NEK7: variants seen among roughly 807,000 people sequenced by gnomAD.
The protein encoded by NEK7 is serine/threonine-protein kinase Nek7.
NEK7 carries 18 observed loss-of-function variants against 44.6 expected under a neutral mutation model. That is an observed-to-expected ratio of 0.40 (90% CI 0.28 to 0.60). The LOEUF (loss-of-function observed/expected upper bound fraction) is 0.60, where lower values mean the gene tolerates loss of function less well. Among genes scored for constraint, NEK7 ranks in the 20% least tolerant of loss-of-function variants. NEK7 has a pLI of 0.38. For synonymous variants in NEK7, 130 were observed against 121.1 expected, an observed-to-expected ratio of 1.07 and a Z score of -0.48; for missense variants, 256 against 366.5, an observed-to-expected ratio of 0.70 and a Z score of 2.46.
intron 1 of NEK7, among the ~76,000 whole-genome samples, chr1:198,216,063 C>T (rs12131570): frequency 0.016 from 2,501 of 152,048 alleles, 32 homozygotes; most frequent in Middle Eastern, 0.037. Flanking sequence ...GAACCTGCAC[C>T]GTAAACAAAT....
chr1:198,272,599 C>G (rs114784064), intron 5 of NEK7, among the ~76,000 whole-genome samples: 48 of 151,804 alleles, frequency 3.2e-4, no homozygotes, highest in Non-Finnish European at 5.6e-4. Context: ...TATTTCTCCT[C>G]GAAGACTGAC....
At chr1:198,245,281 C>T (rs929180617) in intron 2 of NEK7, 4 of 169,374 alleles carry the variant, frequency 2.4e-5, no homozygotes, top group African/African-American at 9.6e-5. Context: ...CTGCACAGTT[C>T]AAACTTGTGT....
rs183994142 is a variant in NEK7, at chr1:198,165,151, T to A, written c.-29+7875T>A. Among the ~76,000 whole-genome samples, 19 of 152,368 alleles carry A rather than the reference T, an allele frequency of 1.2e-4. No individual in the cohort carries two copies. In the South Asian group the frequency reaches 2.9e-3, roughly 23 times the overall value. ...CTGTTTCCACCACATTTGTAGTGAC[T>A]TCCTTCACTGAAATCTTGACTCCCT... On this transcript the variant is annotated intron_variant, in intron 1 of 9. Coordinates refer to ENST00000367385, the MANE Select transcript of NEK7 (RefSeq NM_133494.3).
At chr1:198,225,621 A>T (rs1666197380) in intron 1 of NEK7, among the ~76,000 whole-genome samples, 3 of 152,048 alleles carry the variant, frequency 2.0e-5, no homozygotes, top group African/African-American at 7.3e-5. Flanking sequence ...ATGAACTGAC[A>T]CTTGTCTATT....
chr1:198,288,346 C>T (rs933272926), intron 7 of NEK7, among the ~76,000 whole-genome samples: 21 of 152,212 alleles, frequency 1.4e-4, no homozygotes, highest in African/African-American at 3.6e-4. Flanking sequence ...TTTAAATCAG[C>T]GTAGCTGCAG....
At chr1:198,306,496 C>A (rs1367448705) in intron 9 of NEK7, among the ~76,000 whole-genome samples, 1 of 152,108 alleles carries the variant, frequency 6.6e-6, no homozygotes, top group Non-Finnish European at 1.5e-5. Context: ...AAATTTTAAA[C>A]CCTAGCTCTT....
chr1:198,159,557 C>G (rs1475104855), intron 1 of NEK7, among the ~76,000 whole-genome samples: 1 of 152,218 alleles, frequency 6.6e-6, no homozygotes, highest in Non-Finnish European at 1.5e-5. Flanking sequence ...TCTTGGGAAT[C>G]TTTCCATGGT....
chr1:198,209,037 G>GTATATA (rs57962708), intron 1 of NEK7, among the ~76,000 whole-genome samples: 22 of 145,354 alleles, frequency 1.5e-4, no homozygotes, highest in Non-Finnish European at 2.6e-4. Context: ...ATGTGTGTGT[G>GTATATA]TATATATATA....
At chr1:198,270,943 T>C (rs1269488343) in intron 5 of NEK7, among the ~76,000 whole-genome samples, 1 of 152,052 alleles carries the variant, frequency 6.6e-6, no homozygotes, top group Non-Finnish European at 1.5e-5. Context: ...TCTTTCTCCA[T>C]GTTCACTGGT....
chr1:198,251,150 G>C lies in NEK7; in HGVS notation c.58-1890G>C, dbSNP rs547466095. 5.3e-3 allele frequency among the ~76,000 whole-genome samples: 808 copies of C among 152,074 alleles called. 9 individuals are homozygous for C. Among genetic ancestry groups the C allele is most frequent in the African/African-American group, 0.018 (765 of 41,480 alleles). ...CTATTGAGATAATCATGTGGTTTTT[G>C]TCTTTGGTTCTGTTTATATGCTGGA... On this transcript the variant is annotated intron_variant, in intron 2 of 9. Transcript: ENST00000367385.
At chr1:198,177,371 C>T (rs1322534329) in intron 1 of NEK7, among the ~76,000 whole-genome samples, 1 of 152,052 alleles carries the variant, frequency 6.6e-6, no homozygotes, top group Admixed American at 6.6e-5. Flanking sequence ...CTAACAAAAT[C>T]AAAGCAGAGG....
At chr1:198,279,953 T>C (rs1299182760) in intron 7 of NEK7, among the ~76,000 whole-genome samples, 1 of 152,046 alleles carries the variant, frequency 6.6e-6, no homozygotes, top group Admixed American at 6.6e-5. Flanking sequence ...TTACAAAATA[T>C]TGTATCCTAA....
chr1:198,301,937 T>C (rs1475219912), intron 9 of NEK7, among the ~76,000 whole-genome samples: 1 of 152,222 alleles, frequency 6.6e-6, no homozygotes, highest in African/African-American at 2.4e-5. Flanking sequence ...TTTGTGGTTA[T>C]TGTGATTATA....
At chr1:198,194,718 T>TA (rs1469319575) in intron 1 of NEK7, among the ~76,000 whole-genome samples, 2 of 152,220 alleles carry the variant, frequency 1.3e-5, no homozygotes, top group African/African-American at 4.8e-5. Flanking sequence ...AGTCTACCAA[T>TA]AATGGCCATT....
chr1:198,264,874 G>A (rs190352629), intron 5 of NEK7, among the ~76,000 whole-genome samples: 1 of 152,088 alleles, frequency 6.6e-6, no homozygotes, highest in Admixed American at 6.6e-5. Flanking sequence ...AAAAAACACA[G>A]TAATAATAGA....
At chr1:198,210,731 A>T (rs1665738157) in intron 1 of NEK7, among the ~76,000 whole-genome samples, 1 of 129,314 alleles carries the variant, frequency 7.7e-6, no homozygotes, top group African/African-American at 2.8e-5. Flanking sequence ...TGTCCCTTCA[A>T]TTTGTATTTC....
intron 1 of NEK7, among the ~76,000 whole-genome samples, chr1:198,215,369 C>G (rs748385993): frequency 1.2e-4 from 18 of 152,214 alleles, no homozygotes; most frequent in Non-Finnish European, 2.2e-4. Context: ...CCACATAAAA[C>G]AAGCTTGTCC....
At chr1:198,307,487 TTCA>T (rs1655050293) in intron 9 of NEK7, among the ~76,000 whole-genome samples, 1 of 152,146 alleles carries the variant, frequency 6.6e-6, no homozygotes, top group Non-Finnish European at 1.5e-5. Flanking sequence ...ATAAATTTTA[TTCA>T]TTACAGAGTC....
At chr1:198,311,067 C>T (rs61325653) in intron 9 of NEK7, among the ~76,000 whole-genome samples, 6,543 of 141,544 alleles carry the variant, frequency 0.046, 216 homozygotes, top group East Asian at 0.12. Context: ...TTCCTACCCA[C>T]GAGCATGGAA....
Sources: gnomAD v4.1 joint callset for allele counts (sites outside exome capture counted in the v4.1 genomes callset) on GRCh38, gnomAD v4.1.1 for gene constraint, MANE v1.5 for transcripts, NCBI Gene and HGNC (gene_info 2026-07-23, HGNC 2026-07-21) for gene names.